Variants in PRKAR2B observed in about 807,000 individuals in gnomAD.
PRKAR2B encodes cAMP-dependent protein kinase type II-beta regulatory subunit.
PRKAR2B carries 14 observed loss-of-function variants against 49.9 expected under a neutral mutation model. The observed-to-expected ratio is 0.28, with a 90% CI of 0.19 to 0.44. The LOEUF (loss-of-function observed/expected upper bound fraction) is 0.44. Ranked by LOEUF, PRKAR2B falls within the 20% of genes least tolerant of loss-of-function variation. The probability of loss-of-function intolerance (pLI) is 1.00; values close to 1 mark genes in which losing one functional copy is unlikely to be tolerated. For synonymous variants in PRKAR2B, 196 were observed against 197.7 expected (o/e 0.99, Z 0.07); for missense variants, 393 against 537.9 (o/e 0.73, Z 2.67).
intron 2 of PRKAR2B, among the ~76,000 whole-genome samples, chr7:107,083,469 CCTATGAGAATCA>C (rs1460855586): frequency 6.6e-6 from 1 of 152,048 alleles, no homozygotes; most frequent in African/African-American, 2.4e-5. Flanking sequence ...CCTGAGACGA[CCTATGAGAATCA>C]CTAGTGCAAT....
rs764998170 is a variant in PRKAR2B at position 107,045,168 on chromosome 7, C to CGGGGAG, written c.263_268dup (p.Gly88_Glu89dup). The CGGGGAG allele has an allele frequency of 6.8e-7, 1 of 1,477,278 alleles. No homozygotes were observed. Among genetic ancestry groups the CGGGGAG allele is most frequent in the South Asian group, 1.3e-5 (1 of 77,418 alleles). The allele number at this position is 1,477,278 out of a possible 1,614,324, so 91.5% of individuals were successfully genotyped here. Reference sequence around the variant, plus strand: ...AGCCCATGCAGTCCGACTCCGAGGACGGGGAGGAGGAGGAGGCGGCGCCCG... The same window carrying CGGGGAG: ...AGCCCATGCAGTCCGACTCCGAGGACGGGGAGGGGGAGGAGGAGGAGGCGGCGCCCG... On this transcript the variant is annotated inframe_insertion, in exon 1 of 11. Coordinates refer to ENST00000265717, the MANE Select transcript of PRKAR2B (RefSeq NM_002736.3).
chr7:107,070,169 T>G lies in PRKAR2B; in HGVS notation c.308-112T>G, dbSNP rs757097026. ...TATTCATGGTATTTCCTCTTATTTATTCATCTTTTTCTTTAGTTAAATTAT... is the reference window on the plus strand; with the variant it reads ...TATTCATGGTATTTCCTCTTATTTAGTCATCTTTTTCTTTAGTTAAATTAT... On this transcript the variant is annotated intron_variant, in intron 1 of 10. Coordinates refer to ENST00000265717, the MANE Select transcript of PRKAR2B (RefSeq NM_002736.3). 7.8e-6 allele frequency: 5 copies of G among 644,652 alleles called. No individual in the cohort carries two copies. The South Asian group carries it at 8.7e-5, about 11-fold the overall frequency. 39.9% of individuals were successfully genotyped at this position (644,652 alleles called of 1,614,324 possible).
intron 2 of PRKAR2B, among the ~76,000 whole-genome samples, chr7:107,088,457 T>A (rs1794661559): frequency 6.6e-6 from 1 of 152,170 alleles, no homozygotes; most frequent in South Asian, 2.1e-4. Context: ...GGTCTGGAGC[T>A]TATTCCCTCA....
At chr7:107,092,738 C>T (rs908209145) in intron 2 of PRKAR2B, among the ~76,000 whole-genome samples, 5 of 152,120 alleles carry the variant, frequency 3.3e-5, no homozygotes, top group African/African-American at 9.7e-5. Context: ...ATAAAATTCA[C>T]GATTTTTACC....
intron 1 of PRKAR2B, among the ~76,000 whole-genome samples, chr7:107,064,743 G>T (rs1372818009): frequency 6.6e-6 from 1 of 152,180 alleles, no homozygotes; most frequent in Non-Finnish European, 1.5e-5. Flanking sequence ...GGGCTTACAA[G>T]ACAGTGATGA....
chr7:107,073,972 G>C lies in PRKAR2B; in HGVS notation c.343+3656G>C, dbSNP rs560143463. Among the ~76,000 whole-genome samples, 5 of 152,166 alleles carry C rather than the reference G, an allele frequency of 3.3e-5. No individual in the cohort carries two copies. In the East Asian group the frequency reaches 9.8e-4, roughly 30 times the overall value. ...AGTTACTCGGGAGGCTGAGGCAGGA[G>C]ATTCACTTGAACCCTGGAGGTGGAG... On this transcript the variant is annotated intron_variant, in intron 2 of 10. Transcript: ENST00000265717.
chr7:107,063,067 G>T (rs1010001314), intron 1 of PRKAR2B, among the ~76,000 whole-genome samples: 1 of 151,974 alleles, frequency 6.6e-6, no homozygotes, highest in Non-Finnish European at 1.5e-5. Flanking sequence ...GCGGTGGTAC[G>T]ATCTGAGCTC....
intron 4 of PRKAR2B, among the ~76,000 whole-genome samples, chr7:107,137,078 T>C (rs1004901440): frequency 6.6e-6 from 1 of 152,204 alleles, no homozygotes; most frequent in Non-Finnish European, 1.5e-5. Flanking sequence ...ATTCCAACTA[T>C]TTAACGTTCT....
At chr7:107,092,387 CT>C (rs1794747988) in intron 2 of PRKAR2B, among the ~76,000 whole-genome samples, 2 of 151,792 alleles carry the variant, frequency 1.3e-5, no homozygotes, top group South Asian at 4.2e-4. Flanking sequence ...CTACCTATTC[CT>C]TTCATGGTGG....
chr7:107,110,758 G>A (rs1795156206), intron 2 of PRKAR2B, among the ~76,000 whole-genome samples: 1 of 152,090 alleles, frequency 6.6e-6, no homozygotes, highest in Non-Finnish European at 1.5e-5. Context: ...TGAATAACCA[G>A]CAGCAATACT....
intron 2 of PRKAR2B, among the ~76,000 whole-genome samples, chr7:107,095,681 GT>G (rs1198826203): frequency 6.6e-6 from 1 of 152,114 alleles, no homozygotes; most frequent in East Asian, 1.9e-4. Flanking sequence ...TGTCCCATCA[GT>G]ACCTAGTTTA....
intron 2 of PRKAR2B, among the ~76,000 whole-genome samples, chr7:107,116,058 G>C (rs1485114519): frequency 6.6e-6 from 1 of 152,196 alleles, no homozygotes; most frequent in Non-Finnish European, 1.5e-5. Context: ...GGCAGTGTTT[G>C]TAACTGTTGT....
intron 2 of PRKAR2B, among the ~76,000 whole-genome samples, chr7:107,115,965 G>A (rs1338300932): frequency 1.3e-5 from 2 of 152,236 alleles, no homozygotes; most frequent in East Asian, 3.9e-4. Context: ...GTAAGGAAGT[G>A]GAACCAAGTA....
chr7:107,126,265 A>C (rs1450752094), intron 3 of PRKAR2B, among the ~76,000 whole-genome samples: 6 of 148,030 alleles, frequency 4.1e-5, no homozygotes, highest in South Asian at 2.1e-4. Flanking sequence ...AAAAAAAAAA[A>C]AAAACCAAAG....
At position 107,142,551 on chromosome 7, in the gene PRKAR2B, T is replaced by A. The variant is rs146694101; in HGVS notation, c.587+1598T>A. ...ACATTTGTATATAGTGTATTCCCTT[T>A]TCAGTTAGATCCTAGTCACCCATTT... is the stretch of plus-strand genomic sequence containing the variant. On this transcript the variant is annotated intron_variant, in intron 5 of 10. Coordinates refer to ENST00000265717, the MANE Select transcript of PRKAR2B (RefSeq NM_002736.3). 2.5e-4 allele frequency among the ~76,000 whole-genome samples: 38 copies of A among 152,248 alleles called. No individual in the cohort carries two copies. In the East Asian group the frequency reaches 6.0e-3, roughly 24 times the overall value.
rs1339272059 is a variant in PRKAR2B at position 107,160,779 on chromosome 7, C to T, written c.*1197C>T. The T allele has an allele frequency of 6.6e-6, 1 of 152,142 alleles. No individual in the cohort carries two copies. The highest frequency in any genetic ancestry group is 2.4e-5 in the African/African-American group (1 of 41,438). 9.4% of individuals were successfully genotyped at this position (152,142 alleles called of 1,614,324 possible). On this transcript the variant is annotated 3_prime_UTR_variant, in exon 11 of 11. Coordinates refer to ENST00000265717, the MANE Select transcript of PRKAR2B (RefSeq NM_002736.3). ...CCTTGCCATTGCTTTAATGTAGACT[C>T]ATAGTTGAAATTAGTGCAGAAAGAA...
In PRKAR2B at chr7:107,160,783, G is replaced by C. The variant is rs1796184624; in HGVS notation, c.*1201G>C. The C allele has an allele frequency of 1.3e-5, 2 of 152,114 alleles. No individual in the cohort carries two copies. The highest frequency in any genetic ancestry group is 4.8e-5 in the African/African-American group (2 of 41,412). The allele number at this position is 152,114 out of a possible 1,614,324, so 9.4% of individuals were successfully genotyped here. A position where few individuals can be genotyped will look rare whatever the true frequency, so the allele number is the denominator to read the frequency against. ...GCCATTGCTTTAATGTAGACTCATAGTTGAAATTAGTGCAGAAAGAACTCA... is the reference window on the plus strand; with the variant it reads ...GCCATTGCTTTAATGTAGACTCATACTTGAAATTAGTGCAGAAAGAACTCA... On this transcript the variant is annotated 3_prime_UTR_variant, in exon 11 of 11. Transcript: ENST00000265717.
At chr7:107,112,617 T>A (rs1795197474) in intron 2 of PRKAR2B, among the ~76,000 whole-genome samples, 1 of 152,186 alleles carries the variant, frequency 6.6e-6, no homozygotes, top group Non-Finnish European at 1.5e-5. Flanking sequence ...AATGTGTAGT[T>A]TGAACTCACA....
chr7:107,051,809 A>G lies in PRKAR2B; in HGVS notation c.307+6595A>G, dbSNP rs540622649. On this transcript the variant is annotated intron_variant, in intron 1 of 10. Coordinates refer to ENST00000265717, the MANE Select transcript of PRKAR2B (RefSeq NM_002736.3). ...GTTTCTTAATTAAAAAAAAGACAAA[A>G]GGTCAAAATGTAAACACATGTTCCA... Among the ~76,000 whole-genome samples, 3 of 152,352 alleles carry G rather than the reference A, an allele frequency of 2.0e-5. No individual in the cohort carries two copies. In the East Asian group the frequency reaches 5.8e-4, roughly 29 times the overall value.
Sources: allele counts gnomAD v4.1 joint callset (sites outside exome capture counted in the v4.1 genomes callset), GRCh38; gene constraint gnomAD v4.1.1; transcripts MANE v1.5; gene names NCBI Gene and HGNC (gene_info 2026-07-23, HGNC 2026-07-21).